The following TTC21B variants were observed in gnomAD, a reference collection of about 807,000 sequenced individuals.
TTC21B encodes tetratricopeptide repeat protein 21B.
Under a neutral mutation model 175.1 loss-of-function variants are expected in TTC21B, and 127 were observed. The ratio of observed to expected loss-of-function variants is 0.73; its 90% CI spans 0.63 to 0.84. The LOEUF is 0.84. Ranked by LOEUF, TTC21B falls within the 40% of genes least tolerant of loss-of-function variation. The pLI, the probability that TTC21B is intolerant of heterozygous loss-of-function variation, is 0.00. For missense variants in TTC21B, 1,561 were observed against 1,558.3 expected (o/e 1.00, Z -0.03); for synonymous variants, 524 against 524.5 (o/e 1.00, Z 0.01).
chr2:165,912,529 A>G lies in TTC21B; in HGVS notation c.2307T>C (p.Thr769=). 1 of 1,613,410 alleles carries G rather than the reference A, an allele frequency of 6.2e-7. No individual in the cohort carries two copies. Among genetic ancestry groups the G allele is most frequent in the Non-Finnish European group, 8.5e-7 (1 of 1,179,340 alleles). ...AAGTACTTACCATTGAGTAGTTATG[A>G]GTTTTGATAAGTGCTTTGCCCATTT... The part of the protein sequence containing the change: ...ASKMGKALIK[T]HNYSMAITYY... Residue 769 remains threonine, a synonymous_variant, in exon 17 of 29, where the codon ACT becomes ACC. Transcript: ENST00000243344.
rs191453790 is a variant in TTC21B, at chr2:165,942,797, A to T, written c.552+422T>A. ...AGCTTTTCCAGCTGTATTTTCCATT[A>T]TACTTATCACCTTCTAATATACCAT... On this transcript the variant is annotated intron_variant, in intron 5 of 28. Coordinates refer to ENST00000243344, the MANE Select transcript of TTC21B (RefSeq NM_024753.5). Among the ~76,000 whole-genome samples the T allele has an allele frequency of 4.6e-5, 7 of 152,312 alleles. No individual in the cohort carries two copies. In the East Asian group the frequency reaches 1.4e-3, roughly 29 times the overall value.
At chr2:165,879,211 T>C (rs2105279272) in intron 27 of TTC21B, among the ~76,000 whole-genome samples, 1 of 152,330 alleles carries the variant, frequency 6.6e-6, no homozygotes, top group Non-Finnish European at 1.5e-5. Flanking sequence ...TTGGAATCTC[T>C]TTATTTGCTG....
intron 1 of TTC21B, among the ~76,000 whole-genome samples, chr2:165,950,602 C>A (rs538418192): frequency 6.6e-6 from 1 of 152,262 alleles, no homozygotes; most frequent in South Asian, 2.1e-4. Flanking sequence ...CTAAGGGTAT[C>A]TAGACAGCTC....
chr2:165,898,658 T>C lies in TTC21B; in HGVS notation c.2950+28A>G, dbSNP rs1314452238. 10 of 1,501,514 alleles carry C rather than the reference T, an allele frequency of 6.7e-6. No homozygotes were observed. In the South Asian group the frequency reaches 1.1e-4, roughly 17 times the overall value. The allele number at this position is 1,501,514 out of a possible 1,614,324, so 93.0% of individuals were successfully genotyped here. On this transcript the variant is annotated intron_variant, in intron 22 of 28. Coordinates refer to ENST00000243344, the MANE Select transcript of TTC21B (RefSeq NM_024753.5). ...AGGAGAAAGGGAGGGGTGACTGCAC[T>C]CAAAAAATACAATAAGTAGGTATTT...
chr2:165,918,640 C>T (rs1686274893), intron 13 of TTC21B, among the ~76,000 whole-genome samples: 1 of 152,144 alleles, frequency 6.6e-6, no homozygotes, highest in Non-Finnish European at 1.5e-5. Flanking sequence ...GAAGGGTTCT[C>T]TCTTAACAGG....
chr2:165,937,901 T>C (rs10199236), intron 6 of TTC21B, among the ~76,000 whole-genome samples: 65,944 of 151,026 alleles, frequency 0.44, 15,106 homozygotes, highest in Middle Eastern at 0.58. Flanking sequence ...CAAATATCAT[T>C]TCACACTAAA....
chr2:165,883,251 G>A (rs1303220919), intron 26 of TTC21B, among the ~76,000 whole-genome samples: 2 of 152,132 alleles, frequency 1.3e-5, no homozygotes, highest in African/African-American at 4.8e-5. Context: ...ACATCAAAAT[G>A]TTAGTAAAAA....
At chr2:165,927,098 A>G (rs1350330179) in intron 11 of TTC21B, among the ~76,000 whole-genome samples, 1 of 68,338 alleles carries the variant, frequency 1.5e-5, no homozygotes, top group African/African-American at 8.9e-5. Context: ...TAGTAGATAT[A>G]TATATATATA....
chr2:165,898,975 C>T (rs1466575969), intron 21 of TTC21B, among the ~76,000 whole-genome samples: 1 of 152,152 alleles, frequency 6.6e-6, no homozygotes, highest in Non-Finnish European at 1.5e-5. Context: ...GGATGTGAAA[C>T]AGATTGCTCT....
At chr2:165,929,016 G>T in intron 11 of TTC21B, 119 bp downstream of exon 11, 1 of 896,706 alleles carries the variant, frequency 1.1e-6, no homozygotes, top group Non-Finnish European at 1.8e-6. Context: ...ACTAACATAG[G>T]TACAAATACT....
At chr2:165,881,797 T>C (rs555044585) in intron 26 of TTC21B, among the ~76,000 whole-genome samples, 15 of 152,222 alleles carry the variant, frequency 9.9e-5, no homozygotes, top group African/African-American at 3.6e-4. Flanking sequence ...AGTTTAAAAA[T>C]ATTGAAAAAT....
In TTC21B at chr2:165,929,245, G is replaced by A; in HGVS notation, c.1276C>T (p.His426Tyr). 6.2e-7 allele frequency: 1 copy of A among 1,612,900 alleles called. No homozygotes were observed. Among genetic ancestry groups the A allele is most frequent in the Non-Finnish European group, 8.5e-7 (1 of 1,179,272 alleles). ...INLLNDVLDT[H>Y]FSQLEGLPLG... Reference sequence around the variant, plus strand: ...GGCAAACCTTCTAATTGTGAAAAGTGAGTGTCCAGGACATCATTTAACAAA... The same window carrying A: ...GGCAAACCTTCTAATTGTGAAAAGTAAGTGTCCAGGACATCATTTAACAAA... The change falls in exon 11 of 29, where the codon CAC becomes TAC. Residue 426 changes from histidine (H) to tyrosine (Y), a missense_variant. By Grantham distance (83) the His-to-Tyr change is moderately conservative (BLOSUM62 2). Transcript: ENST00000243344.
chr2:165,915,186 A>G lies in TTC21B; in HGVS notation c.2138+15T>C, dbSNP rs751850855. The G allele has an allele frequency of 7.0e-5, 112 of 1,594,890 alleles. No homozygotes were observed. The Middle Eastern group carries it at 1.4e-3, about 19-fold the overall frequency. On this transcript the variant is annotated intron_variant, in intron 15 of 28. Coordinates refer to ENST00000243344, the MANE Select transcript of TTC21B (RefSeq NM_024753.5). ...TAAATGTATCAAAATATAATGGGTT[A>G]AGACAATTACTTACCTAAAACAAGT... is the stretch of plus-strand genomic sequence containing the variant.
At chr2:165,910,033 G>A (rs897419283) in intron 18 of TTC21B, among the ~76,000 whole-genome samples, 2 of 152,042 alleles carry the variant, frequency 1.3e-5, no homozygotes, top group Non-Finnish European at 2.9e-5. Context: ...TCTGGAGAGC[G>A]GGAGAGGACA....
rs752610067 is a variant in TTC21B, at chr2:165,930,372, G to GA, written c.895-9dup. On this transcript the variant is annotated splice_polypyrimidine_tract_variant and intron_variant, in intron 8 of 28. Coordinates refer to ENST00000243344, the MANE Select transcript of TTC21B (RefSeq NM_024753.5). ...AAGTTGACTACGTCCACACTAAAAAGAAAAAAAAATGATGTAAGATTTCAA... is the reference window on the plus strand; with the variant it reads ...AAGTTGACTACGTCCACACTAAAAAGAAAAAAAAAATGATGTAAGATTTCAA... 4.4e-4 allele frequency: 678 copies of GA among 1,552,718 alleles called. No individual in the cohort carries two copies. Among genetic ancestry groups the GA allele is most frequent in the Middle Eastern group, 5.2e-4 (3 of 5,754 alleles).
chr2:165,949,277 G>A (rs973981379), intron 3 of TTC21B, 117 bp downstream of exon 3: 1 of 785,836 alleles, frequency 1.3e-6, no homozygotes, highest in Non-Finnish European at 2.2e-6. Context: ...TGTATAAATT[G>A]TACCTACAGA....
At chr2:165,897,599 A>C (rs1203301117) in intron 22 of TTC21B, among the ~76,000 whole-genome samples, 1 of 152,182 alleles carries the variant, frequency 6.6e-6, no homozygotes, top group African/African-American at 2.4e-5. Flanking sequence ...GCAAAGAGGC[A>C]GAGGTGTACA....
chr2:165,922,361 G>A (rs1686443017), intron 12 of TTC21B, among the ~76,000 whole-genome samples: 1 of 150,850 alleles, frequency 6.6e-6, no homozygotes, highest in African/African-American at 2.4e-5. Context: ...CAATCTATAG[G>A]GAATCCAAAC....
intron 5 of TTC21B, among the ~76,000 whole-genome samples, chr2:165,942,058 G>A (rs1687386980): frequency 6.6e-6 from 1 of 152,098 alleles, no homozygotes; most frequent in Non-Finnish European, 1.5e-5. Context: ...TTTTCTTTAA[G>A]AGAAGGAAAA....
Sources: gnomAD v4.1 joint callset for allele counts (sites outside exome capture counted in the v4.1 genomes callset) on GRCh38, gnomAD v4.1.1 for gene constraint, MANE v1.5 for transcripts, NCBI Gene and HGNC (gene_info 2026-07-23, HGNC 2026-07-21) for gene names.